FRAS1: variants seen among roughly 807,000 people sequenced by gnomAD.
FRAS1 encodes the protein Fraser extracellular matrix complex subunit 1, also known as extracellular matrix organizing protein FRAS1.
A neutral mutation model predicts 435.2 loss-of-function variants in FRAS1; 290 were observed. That is an observed-to-expected ratio of 0.67 (90% CI 0.61 to 0.73). The LOEUF (loss-of-function observed/expected upper bound fraction) is 0.73, where lower values mean the gene tolerates loss of function less well. FRAS1 is among the 30% of genes least tolerant of loss of function. The pLI is 0.00. For missense variants in FRAS1, 4,860 were observed against 5,001.5 expected, an observed-to-expected ratio of 0.97 and a Z score of 0.85; for synonymous variants, 1,800 against 1,851.0, an observed-to-expected ratio of 0.97 and a Z score of 0.71.
At position 78,534,495 on chromosome 4, in the gene FRAS1, GT is replaced by G; in HGVS notation, c.10974del (p.Val3659CysfsTer18). On this transcript the variant is annotated frameshift_variant, in exon 71 of 74. Transcript: ENST00000512123. LOFTEE classifies it high-confidence loss of function. The stretch of plus-strand genomic sequence containing the variant: ...CCAGCAGACCAACCGCCCTGTGCCA[GT>G]TGTGTATTCACTTAACACTGAATTT... The part of the protein sequence containing the change: ...AFQQTNRPVP[V>X]VYSLNTEFQL... The G allele has an allele frequency of 6.2e-7, 1 of 1,613,776 alleles. No homozygotes were observed. The highest frequency in any genetic ancestry group is 1.1e-5 in the South Asian group (1 of 91,058).
chr4:78,435,275 CAAACAAACAA>C (rs1273914116), intron 38 of FRAS1, among the ~76,000 whole-genome samples: 1 of 152,060 alleles, frequency 6.6e-6, no homozygotes, highest in African/African-American at 2.4e-5. Flanking sequence ...CAAAAACAAA[CAAACAAACAA>C]AAACAAACAA....
At chr4:78,294,831 C>A (rs1049298365) in intron 14 of FRAS1, among the ~76,000 whole-genome samples, 1 of 151,926 alleles carries the variant, frequency 6.6e-6, no homozygotes, top group Non-Finnish European at 1.5e-5. Context: ...CCCCCAAATA[C>A]CAAATGAATT....
rs1271370843 is a variant in FRAS1, at chr4:78,519,465, T to C, written c.10524T>C (p.Thr3508=). The C allele has an allele frequency of 3.7e-6, 6 of 1,610,742 alleles. No homozygotes were observed. Among genetic ancestry groups the C allele is most frequent in the South Asian group, 1.1e-5 (1 of 90,434 alleles). Residue 3508 remains threonine, a synonymous_variant, in exon 67 of 74, where the codon ACT becomes ACC. Coordinates refer to ENST00000512123, the MANE Select transcript of FRAS1 (RefSeq NM_025074.7). ...TGGAGTTTTCTTTCTTCTATGACAC[T>C]GTTCTCTGGAGAACAGGTATGCCCA... ...TEMEFSFFYD[T]VLWRTGIQTD...
chr4:78,281,557 A>G, intron 11 of FRAS1, 124 bp downstream of exon 11: 2 of 559,132 alleles, frequency 3.6e-6, no homozygotes, highest in Non-Finnish European at 3.1e-6. Flanking sequence ...TGATGGCACT[A>G]TGATCAGGAA....
chr4:78,273,270 T>G (rs1217040037), intron 9 of FRAS1, among the ~76,000 whole-genome samples: 1 of 152,214 alleles, frequency 6.6e-6, no homozygotes, highest in African/African-American at 2.4e-5. Context: ...TAGGGACAAT[T>G]TGACTTCCTC....
At chr4:78,308,530 C>A (rs1212426428) in intron 15 of FRAS1, among the ~76,000 whole-genome samples, 1 of 152,316 alleles carries the variant, frequency 6.6e-6, no homozygotes, top group Non-Finnish European at 1.5e-5. Flanking sequence ...CTTTCCTTTC[C>A]CCAGATCCCA....
chr4:78,186,404 A>C (rs1578173710), intron 2 of FRAS1, among the ~76,000 whole-genome samples: 2 of 152,292 alleles, frequency 1.3e-5, no homozygotes, highest in East Asian at 3.9e-4. Context: ...GAAGTACTCT[A>C]TTTATCATAA....
intron 37 of FRAS1, among the ~76,000 whole-genome samples, chr4:78,431,577 T>A (rs1469189818): frequency 6.6e-6 from 1 of 151,870 alleles, no homozygotes; most frequent in Non-Finnish European, 1.5e-5. Context: ...AAAGATAGAG[T>A]TGAATATAAT....
At chr4:78,205,352 C>G (rs562533737) in intron 2 of FRAS1, among the ~76,000 whole-genome samples, 1 of 152,186 alleles carries the variant, frequency 6.6e-6, no homozygotes, top group East Asian at 1.9e-4. Flanking sequence ...CAGGCATGTG[C>G]CACTACACCC....
chr4:78,445,814 T>A (rs1269913641), intron 42 of FRAS1, 102 bp downstream of exon 42: 3 of 1,432,006 alleles, frequency 2.1e-6, no homozygotes, highest in Admixed American at 4.8e-5. Context: ...AAGATTGGAT[T>A]TGACCTTCAA....
intron 29 of FRAS1, among the ~76,000 whole-genome samples, chr4:78,399,097 G>T (rs1389444715): frequency 1.3e-5 from 2 of 152,116 alleles, no homozygotes; most frequent in Non-Finnish European, 2.9e-5. Flanking sequence ...ACACGTTTTT[G>T]ATGTTTTATA....
At chr4:78,379,591 A>C (rs1731927345) in intron 26 of FRAS1, 135 bp from the exon 27 acceptor site, 1 of 841,306 alleles carries the variant, frequency 1.2e-6, no homozygotes, top group Non-Finnish European at 1.9e-6. Context: ...AGTGAAATCA[A>C]CTCTGTTTCT....
rs773092419 is a variant in FRAS1 at position 78,249,064 on chromosome 4, C to CATATATATATATATATGCATATATATAT, written c.310-3312_310-3311insGCATATATATATATATATATATATATAT. Among the ~76,000 whole-genome samples the CATATATATATATATATGCATATATATAT allele has an allele frequency of 0.012, 198 of 16,618 alleles. 24 individuals carry two copies. In the East Asian group the frequency reaches 0.18, roughly 15 times the overall value. The allele number at this position is 16,618 out of a possible 152,430, so 10.9% of individuals were successfully genotyped here. A position where few individuals can be genotyped will look rare whatever the true frequency, so the allele number is the denominator to read the frequency against. ...AGAACTACTGATATATATATATATG[C>CATATATATATATATATGCATATATATAT]ATATATATATATATATATATATGCA... On this transcript the variant is annotated intron_variant, in intron 4 of 73. Coordinates refer to ENST00000512123, the MANE Select transcript of FRAS1 (RefSeq NM_025074.7).
intron 20 of FRAS1, among the ~76,000 whole-genome samples, chr4:78,360,091 A>G (rs1731019311): frequency 6.6e-6 from 1 of 152,206 alleles, no homozygotes; most frequent in South Asian, 2.1e-4. Context: ...GCTGTGAGGA[A>G]CCCATATATT....
chr4:78,324,731 T>TTTTTTC lies in FRAS1; in HGVS notation c.2137+5745_2137+5746insTTTTTC, dbSNP rs1491139973. Among the ~76,000 whole-genome samples the TTTTTTC allele has an allele frequency of 4.9e-4, 58 of 119,428 alleles. 1 individual carries two copies. The highest frequency in any genetic ancestry group is 1.7e-3 in the African/African-American group (56 of 32,812). The allele number at this position is 119,428 out of a possible 152,430, so 78.3% of individuals were successfully genotyped here. A position where few individuals can be genotyped will look rare whatever the true frequency, so the allele number is the denominator to read the frequency against. ...TCCTTTTTTTTTTTTTTTTTTTTTT[T>TTTTTTC]CTGCATGTCACACTAGAGCTTTACA... is the stretch of plus-strand genomic sequence containing the variant. On this transcript the variant is annotated intron_variant, in intron 18 of 73. Transcript: ENST00000512123.
intron 2 of FRAS1, among the ~76,000 whole-genome samples, chr4:78,104,544 G>A (rs17453030): frequency 0.048 from 7,364 of 152,202 alleles, 247 homozygotes; most frequent in Middle Eastern, 0.082. Flanking sequence ...AGATTAAATG[G>A]TTCACCATAT....
chr4:78,123,002 T>C (rs566297851), intron 2 of FRAS1, among the ~76,000 whole-genome samples: 2 of 152,356 alleles, frequency 1.3e-5, no homozygotes, highest in South Asian at 4.1e-4. Flanking sequence ...TTGTCAATTT[T>C]GGCTTTTGTT....
intron 2 of FRAS1, among the ~76,000 whole-genome samples, chr4:78,176,241 A>T (rs1310155025): frequency 6.6e-6 from 1 of 152,220 alleles, no homozygotes; most frequent in East Asian, 1.9e-4. Flanking sequence ...ACTGAAAACT[A>T]GGAAGGCTAG....
chr4:78,436,252 CAT>C (rs1297469383), intron 38 of FRAS1, among the ~76,000 whole-genome samples: 2 of 152,108 alleles, frequency 1.3e-5, no homozygotes, highest in Non-Finnish European at 2.9e-5. Flanking sequence ...GGTCAATAAA[CAT>C]ATGAAGAGAT....
Sources: gnomAD v4.1 joint callset for allele counts (sites outside exome capture counted in the v4.1 genomes callset) on GRCh38, gnomAD v4.1.1 for gene constraint, MANE v1.5 for transcripts, NCBI Gene and HGNC (gene_info 2026-07-23, HGNC 2026-07-21) for gene names.